Variants in WARS2 observed in about 807,000 individuals in gnomAD.
WARS2 encodes tryptophanyl tRNA synthetase 2, mitochondrial.
In WARS2, 28 loss-of-function variants were observed where a neutral mutation model predicts 36.5. The observed-to-expected ratio is 0.77, with a 90% CI of 0.57 to 1.05. WARS2 has a LOEUF of 1.05. WARS2 is among the 50% of genes least tolerant of loss of function. WARS2 has a pLI of 0.00. For missense variants in WARS2, 435 were observed against 456.8 expected (o/e 0.95, Z 0.44); for synonymous variants, 174 against 178.4 (o/e 0.98, Z 0.20).
chr1:119,140,467 C>A, intron 1 of WARS2, 88 bp downstream of exon 1: 1 of 1,231,702 alleles, frequency 8.1e-7, no homozygotes, highest in Non-Finnish European at 1.2e-6. Context: ...CCCTAAGAAG[C>A]GGGAGGAGAG....
chr1:119,066,279 C>G (rs1453730592), intron 2 of WARS2, among the ~76,000 whole-genome samples: 1 of 151,922 alleles, frequency 6.6e-6, no homozygotes, highest in Non-Finnish European at 1.5e-5. Context: ...AGATCGAGAA[C>G]CATCCTGGCT....
intron 1 of WARS2, chr1:119,085,491 G>C: frequency 6.4e-7 from 1 of 1,572,502 alleles, no homozygotes; most frequent in South Asian, 1.2e-5. Flanking sequence ...GCGCTTTTTT[G>C]TTGGTTTTTC....
chr1:119,128,829 G>A (rs1425203974), intron 1 of WARS2, among the ~76,000 whole-genome samples: 1 of 152,050 alleles, frequency 6.6e-6, no homozygotes, highest in Non-Finnish European at 1.5e-5. Context: ...CAGGTGTCAT[G>A]GAAGCCTGAC....
At chr1:119,043,719 T>C (rs751274065) in intron 3 of WARS2, among the ~76,000 whole-genome samples, 16 of 152,240 alleles carry the variant, frequency 1.1e-4, no homozygotes, top group Non-Finnish European at 2.1e-4. Flanking sequence ...TTTTTAAAAG[T>C]TGCCATCACA....
intron 1 of WARS2, among the ~76,000 whole-genome samples, chr1:119,125,504 T>A (rs1272354721): frequency 6.6e-6 from 1 of 152,362 alleles, no homozygotes; most frequent in East Asian, 1.9e-4. Flanking sequence ...AAGTACTCAA[T>A]AAATATTTGT....
chr1:119,101,389 G>C (rs1450078964), intron 1 of WARS2, among the ~76,000 whole-genome samples: 1 of 152,064 alleles, frequency 6.6e-6, no homozygotes, highest in Non-Finnish European at 1.5e-5. Flanking sequence ...ATGTTTCCCA[G>C]TTACCAAGTC....
At chr1:119,130,494 C>G (rs1304387520) in intron 1 of WARS2, among the ~76,000 whole-genome samples, 1 of 152,174 alleles carries the variant, frequency 6.6e-6, no homozygotes, top group Non-Finnish European at 1.5e-5. Context: ...TTCATACCCT[C>G]TCAGAAAATT....
chr1:119,038,497 T>C (rs1648061052), intron 4 of WARS2, among the ~76,000 whole-genome samples: 1 of 152,200 alleles, frequency 6.6e-6, no homozygotes, highest in African/African-American at 2.4e-5. Context: ...TCAATGGCAG[T>C]AGCCTGATTC....
At chr1:119,070,444 T>G (rs1002842726) in intron 2 of WARS2, among the ~76,000 whole-genome samples, 37 of 152,172 alleles carry the variant, frequency 2.4e-4, no homozygotes, top group Non-Finnish European at 5.1e-4. Context: ...TTTTTAATTT[T>G]TTTGTAGAGA....
At chr1:119,087,191 T>C (rs1317551491) in intron 1 of WARS2, among the ~76,000 whole-genome samples, 2 of 152,170 alleles carry the variant, frequency 1.3e-5, no homozygotes, top group Non-Finnish European at 2.9e-5. Context: ...CATAGATATA[T>C]TTTCCCGCCT....
chr1:119,140,539 G>A lies in WARS2; in HGVS notation c.90+16C>T, dbSNP rs754670619. 9 of 1,610,990 alleles carry A rather than the reference G, an allele frequency of 5.6e-6. No homozygotes were observed. The highest frequency in any genetic ancestry group is 7.6e-6 in the Non-Finnish European group (9 of 1,177,752). ...CGGGATGGGAAGCCGCGGAGGGAAGGGCCGTCTTTGGTTACCTGGAGAGCG... is the reference window on the plus strand; with the variant it reads ...CGGGATGGGAAGCCGCGGAGGGAAGAGCCGTCTTTGGTTACCTGGAGAGCG... On this transcript the variant is annotated intron_variant, in intron 1 of 5. Coordinates refer to ENST00000235521, the MANE Select transcript of WARS2 (RefSeq NM_015836.4).
At chr1:119,056,700 A>C (rs1271970587) in intron 2 of WARS2, among the ~76,000 whole-genome samples, 1 of 151,898 alleles carries the variant, frequency 6.6e-6, no homozygotes, top group Non-Finnish European at 1.5e-5. Flanking sequence ...TCCCAAAAGA[A>C]GTTCTCTCAT....
At chr1:119,042,654 C>A (rs180692824) in intron 3 of WARS2, among the ~76,000 whole-genome samples, 1 of 151,840 alleles carries the variant, frequency 6.6e-6, no homozygotes, top group Non-Finnish European at 1.5e-5. Context: ...GGTTCCAAAT[C>A]GGATAAATTC....
At chr1:119,135,060 T>C (rs587753592) in intron 1 of WARS2, among the ~76,000 whole-genome samples, 4 of 152,352 alleles carry the variant, frequency 2.6e-5, no homozygotes, top group African/African-American at 9.6e-5. Flanking sequence ...TATTATCTCA[T>C]GTACTCTTAT....
chr1:119,044,734 C>G (rs1457190324), intron 3 of WARS2, among the ~76,000 whole-genome samples: 1 of 152,118 alleles, frequency 6.6e-6, no homozygotes, highest in African/African-American at 2.4e-5. Context: ...GCCTCTTTAA[C>G]AAGAGCACTA....
intron 2 of WARS2, among the ~76,000 whole-genome samples, chr1:119,046,293 T>G (rs1313913935): frequency 2.5e-5 from 2 of 79,184 alleles, no homozygotes; most frequent in Non-Finnish European, 5.2e-5. Context: ...CTGTTTTTTT[T>G]TTTTTTTTTT....
At position 119,034,122 on chromosome 1, in the gene WARS2, A is replaced by C; in HGVS notation, c.607T>G (p.Phe203Val). 1 of 1,613,920 alleles carries C rather than the reference A, an allele frequency of 6.2e-7. No individual in the cohort carries two copies. The highest frequency in any genetic ancestry group is 8.5e-7 in the Non-Finnish European group (1 of 1,179,868). Residue 203 changes from phenylalanine to valine, a missense_variant, in exon 5 of 6, where the codon TTC becomes GTC. By Grantham distance (50) the Phe-to-Val change is conservative. Coordinates refer to ENST00000235521, the MANE Select transcript of WARS2 (RefSeq NM_015836.4). ...AQGFNKKYGE[F>V]FPVPESILTS... ...AGAATGGACTCGGGCACTGGAAAGA[A>C]CTCCCCATACTTCTTGTTGAAACCT... is the stretch of plus-strand genomic sequence containing the variant.
intron 1 of WARS2, among the ~76,000 whole-genome samples, chr1:119,090,612 C>T (rs182638783): frequency 6.6e-6 from 1 of 152,284 alleles, no homozygotes; most frequent in Non-Finnish European, 1.5e-5. Context: ...GTGGCTCACA[C>T]CTGTAATGCC....
chr1:119,116,492 A>C (rs1045903024), intron 1 of WARS2, among the ~76,000 whole-genome samples: 5 of 152,142 alleles, frequency 3.3e-5, no homozygotes, highest in African/African-American at 1.2e-4. Flanking sequence ...AACTGAAAAA[A>C]TTCACAGACC....
Sources: allele counts gnomAD v4.1 joint callset (sites outside exome capture counted in the v4.1 genomes callset), GRCh38; gene constraint gnomAD v4.1.1; transcripts MANE v1.5; gene names NCBI Gene and HGNC (gene_info 2026-07-23, HGNC 2026-07-21).